EPHA6: variants seen among roughly 807,000 people sequenced by gnomAD.
EPHA6 encodes EPH receptor A6.
EPHA6 carries 50 observed loss-of-function variants against 112.0 expected under a neutral mutation model. The ratio of observed to expected loss-of-function variants is 0.45; its 90% CI spans 0.36 to 0.56. EPHA6 has a LOEUF of 0.56. EPHA6 is among the 20% of genes least tolerant of loss of function. The pLI, the probability that EPHA6 is intolerant of heterozygous loss-of-function variation, is 0.00. For missense variants in EPHA6, 1,280 were observed against 1,417.4 expected, an observed-to-expected ratio of 0.90 and a Z score of 1.56; for synonymous variants, 529 against 490.7, an observed-to-expected ratio of 1.08 and a Z score of -1.03.
intron 3 of EPHA6, among the ~76,000 whole-genome samples, chr3:97,136,160 T>C (rs1395990770): frequency 6.6e-6 from 1 of 152,104 alleles, no homozygotes; most frequent in Admixed American, 6.6e-5. Flanking sequence ...ACAGATGACA[T>C]GCAATGAAAG....
chr3:97,186,473 A>G (rs578086976), intron 3 of EPHA6, among the ~76,000 whole-genome samples: 4 of 152,172 alleles, frequency 2.6e-5, no homozygotes, highest in Non-Finnish European at 5.9e-5. Context: ...CTTAACTGCC[A>G]GTACCTTGAT....
chr3:97,087,905 C>T (rs187729742), intron 3 of EPHA6, among the ~76,000 whole-genome samples: 20 of 152,088 alleles, frequency 1.3e-4, no homozygotes, highest in African/African-American at 4.3e-4. Context: ...TTTTTTCGGC[C>T]GGGCACAGTG....
intron 5 of EPHA6, among the ~76,000 whole-genome samples, chr3:97,314,843 T>A (rs1415433352): frequency 6.6e-6 from 1 of 151,642 alleles, no homozygotes; most frequent in Non-Finnish European, 1.5e-5. Flanking sequence ...CACATACTAG[T>A]CATCAATATC....
At chr3:96,970,133 G>A (rs1380296446) in intron 2 of EPHA6, among the ~76,000 whole-genome samples, 1 of 151,468 alleles carries the variant, frequency 6.6e-6, no homozygotes, top group African/African-American at 2.4e-5. Flanking sequence ...TCCATTAAAG[G>A]ATACTTCCTA....
At chr3:97,633,813 T>C (rs1314940112) in intron 13 of EPHA6, among the ~76,000 whole-genome samples, 1 of 152,100 alleles carries the variant, frequency 6.6e-6, no homozygotes, top group African/African-American at 2.4e-5. Context: ...GAAAAAGGAA[T>C]ATAGATTTTG....
intron 3 of EPHA6, among the ~76,000 whole-genome samples, chr3:97,111,575 G>C (rs2047725657): frequency 6.6e-6 from 1 of 151,940 alleles, no homozygotes; most frequent in African/African-American, 2.4e-5. Flanking sequence ...TTTTTCCCTG[G>C]AAACAAAATG....
rs575733969 is a variant in EPHA6 at position 97,605,350 on chromosome 3, C to T, written c.2513-5443C>T. Among the ~76,000 whole-genome samples, 10 of 151,618 alleles carry T rather than the reference C, an allele frequency of 6.6e-5. No homozygotes were observed. The East Asian group carries it at 1.7e-3, about 26-fold the overall frequency. The stretch of plus-strand genomic sequence containing the variant: ...AAGGCTAAAGTCAAGAAGGGTATTT[C>T]CTAGGTTTTCTTCTAGGATTTTTAT... On this transcript the variant is annotated intron_variant, in intron 12 of 17. Transcript: ENST00000389672.
chr3:97,229,179 T>C (rs1320308377), intron 4 of EPHA6, among the ~76,000 whole-genome samples: 2 of 152,216 alleles, frequency 1.3e-5, no homozygotes, highest in African/African-American at 4.8e-5. Context: ...CCATTAACTC[T>C]GCTGATTATT....
chr3:97,639,907 T>G (rs2093985762), intron 14 of EPHA6, among the ~76,000 whole-genome samples: 1 of 152,066 alleles, frequency 6.6e-6, no homozygotes, highest in Non-Finnish European at 1.5e-5. Flanking sequence ...GAAATAAGTC[T>G]CTGAATTTAG....
At chr3:97,399,582 C>A (rs1489869461) in intron 5 of EPHA6, among the ~76,000 whole-genome samples, 1 of 151,662 alleles carries the variant, frequency 6.6e-6, no homozygotes, top group Non-Finnish European at 1.5e-5. Flanking sequence ...TTCTCTGTAT[C>A]CTTACCAGCA....
intron 1 of EPHA6, among the ~76,000 whole-genome samples, chr3:96,865,481 A>AGT (rs2036250621): frequency 6.6e-6 from 1 of 151,976 alleles, no homozygotes; most frequent in Admixed American, 6.6e-5. Context: ...CAGGAGTTCA[A>AGT]GACCTGTCTG....
At chr3:97,261,185 A>G (rs1559835316) in intron 5 of EPHA6, among the ~76,000 whole-genome samples, 1 of 152,198 alleles carries the variant, frequency 6.6e-6, no homozygotes, top group Non-Finnish European at 1.5e-5. Flanking sequence ...GGGGGTGGGC[A>G]GCATTTATTA....
chr3:96,952,286 T>C (rs2041575568), intron 2 of EPHA6, among the ~76,000 whole-genome samples: 1 of 152,216 alleles, frequency 6.6e-6, no homozygotes, highest in African/African-American at 2.4e-5. Flanking sequence ...ATGTGTCTTG[T>C]TCCCACTGAA....
intron 5 of EPHA6, among the ~76,000 whole-genome samples, chr3:97,363,415 C>A (rs964145352): frequency 6.0e-5 from 9 of 150,688 alleles, no homozygotes; most frequent in African/African-American, 2.2e-4. Context: ...CACAAATTCC[C>A]CCTGGTTTAC....
rs190623393 is a variant in EPHA6 at position 97,010,752 on chromosome 3, G to A, written c.1114+22759G>A. Among the ~76,000 whole-genome samples the A allele has an allele frequency of 9.2e-5, 14 of 152,168 alleles. No individual in the cohort carries two copies. The South Asian group carries it at 2.5e-3, about 27-fold the overall frequency. ...CGGCACACTGCAACCTCCACCTCCCGGGTTCAAGTGATTCTTGTGCCTCAG... is the reference window on the plus strand; with the variant it reads ...CGGCACACTGCAACCTCCACCTCCCAGGTTCAAGTGATTCTTGTGCCTCAG... On this transcript the variant is annotated intron_variant, in intron 3 of 17. Transcript: ENST00000389672.
At chr3:97,335,544 C>T (rs1434511505) in intron 5 of EPHA6, among the ~76,000 whole-genome samples, 2 of 152,130 alleles carry the variant, frequency 1.3e-5, no homozygotes, top group African/African-American at 4.8e-5. Flanking sequence ...GCCAGAATTA[C>T]CTGTTCCTTT....
At chr3:96,879,462 G>C (rs530275067) in intron 2 of EPHA6, among the ~76,000 whole-genome samples, 1 of 152,082 alleles carries the variant, frequency 6.6e-6, no homozygotes, top group Non-Finnish European at 1.5e-5. Context: ...GAAGGTACAG[G>C]GGAGGGAAAA....
chr3:97,431,456 C>G (rs2089500966), intron 6 of EPHA6, among the ~76,000 whole-genome samples: 1 of 152,052 alleles, frequency 6.6e-6, no homozygotes, highest in Non-Finnish European at 1.5e-5. Flanking sequence ...TTGGCAAAGG[C>G]AAATTGTTCC....
chr3:96,954,267 C>T (rs999361910), intron 2 of EPHA6, among the ~76,000 whole-genome samples: 1 of 152,124 alleles, frequency 6.6e-6, no homozygotes, highest in Non-Finnish European at 1.5e-5. Flanking sequence ...CTTGCCATTC[C>T]TCATGGCAAA....
Sources: gnomAD v4.1 joint callset for allele counts (sites outside exome capture counted in the v4.1 genomes callset) on GRCh38, gnomAD v4.1.1 for gene constraint, MANE v1.5 for transcripts, NCBI Gene and HGNC (gene_info 2026-07-23, HGNC 2026-07-21) for gene names.